Variants in KCNQ1 observed in about 807,000 individuals in gnomAD.
KCNQ1 encodes the protein potassium voltage-gated channel subfamily Q member 1, also known as potassium voltage-gated channel subfamily KQT member 1.
Under a neutral mutation model 72.4 loss-of-function variants are expected in KCNQ1, and 49 were observed. The observed-to-expected ratio is 0.68, with a 90% CI of 0.54 to 0.86. The LOEUF (loss-of-function observed/expected upper bound fraction) is 0.86. Ranked by LOEUF, KCNQ1 falls within the 40% of genes least tolerant of loss-of-function variation. The probability of loss-of-function intolerance (pLI) is 0.00; values close to 1 mark genes in which losing one functional copy is unlikely to be tolerated. For missense variants in KCNQ1, 790 were observed against 945.1 expected (o/e 0.84, Z 2.15); for synonymous variants, 450 against 412.6 (o/e 1.09, Z -1.10).
At chr11:2,650,155 A>C (rs1385381123) in intron 10 of KCNQ1, 2 of 398,210 alleles carry the variant, frequency 5.0e-6, no homozygotes, top group African/African-American at 4.1e-5. Flanking sequence ...TTTCATATCT[A>C]ACTCTGCTGG....
chr11:2,833,368 C>T (rs1847992824), intron 15 of KCNQ1, among the ~76,000 whole-genome samples: 1 of 152,204 alleles, frequency 6.6e-6, no homozygotes, highest in Non-Finnish European at 1.5e-5. Context: ...CCCCACCCCT[C>T]TCCAAGCTTC....
At position 2,724,739 on chromosome 11, in the gene KCNQ1, C is replaced by T. The variant is rs192503446; in HGVS notation, c.1515-44105C>T. Among the ~76,000 whole-genome samples the T allele has an allele frequency of 2.7e-3, 415 of 152,302 alleles. 1 individual carries two copies. Among genetic ancestry groups the T allele is most frequent in the African/African-American group, 6.8e-3 (284 of 41,568 alleles). The stretch of plus-strand genomic sequence containing the variant: ...GACCTGCCCAAGGAGACACAGGCAA[C>T]AGAACCAGGGCTCAGAGTTGGGGGA... On this transcript the variant is annotated intron_variant, in intron 11 of 15. Transcript: ENST00000155840. This position sits in a 1 kb window ranked among gnomAD's most constrained non-coding sequence, Gnocchi z 6.8.
At chr11:2,577,826 G>A (rs760368413) in intron 6 of KCNQ1, among the ~76,000 whole-genome samples, 10 of 152,114 alleles carry the variant, frequency 6.6e-5, no homozygotes, top group African/African-American at 9.7e-5. Context: ...CCCCAGGACC[G>A]CTGGCCCCAC....
intron 10 of KCNQ1, chr11:2,649,316 G>C: frequency 2.5e-6 from 1 of 397,846 alleles, no homozygotes; most frequent in Non-Finnish European, 4.4e-6. Flanking sequence ...CAATTTTTTG[G>C]TTTTCTGTAG....
intron 10 of KCNQ1, chr11:2,634,166 C>G: frequency 2.6e-6 from 1 of 391,056 alleles, no homozygotes; most frequent in Non-Finnish European, 4.5e-6. Flanking sequence ...TCTTTTCTCT[C>G]TCTCTCCCTT....
At chr11:2,742,546 G>T (rs562662118) in intron 11 of KCNQ1, among the ~76,000 whole-genome samples, 1 of 152,220 alleles carries the variant, frequency 6.6e-6, no homozygotes, top group Non-Finnish European at 1.5e-5. Context: ...GCCCTTTCTC[G>T]GGGCAGTTTA....
intron 11 of KCNQ1, among the ~76,000 whole-genome samples, chr11:2,717,578 G>A (rs368888717): frequency 3.3e-5 from 5 of 152,148 alleles, no homozygotes; most frequent in African/African-American, 7.2e-5. Context: ...GAGGAGCTCC[G>A]GGAGGTCACG....
rs1437642068 is a variant in KCNQ1, at chr11:2,562,166, C to T, written c.478-8462C>T. On this transcript the variant is annotated intron_variant, in intron 2 of 15. Coordinates refer to ENST00000155840, the MANE Select transcript of KCNQ1 (RefSeq NM_000218.3). This position sits in a 1 kb window ranked among gnomAD's most constrained non-coding sequence, Gnocchi z 7.5. Reference sequence around the variant, plus strand: ...GGCCGGCTGCACTGTGGCGCCTGCCCCAGGCCAGGCTACCTTGGGCGGGGT... The same window carrying T: ...GGCCGGCTGCACTGTGGCGCCTGCCTCAGGCCAGGCTACCTTGGGCGGGGT... Among the ~76,000 whole-genome samples the T allele has an allele frequency of 6.6e-6, 1 of 151,334 alleles. No homozygotes were observed. Among genetic ancestry groups the T allele is most frequent in the Non-Finnish European group, 1.5e-5 (1 of 67,734 alleles).
At chr11:2,660,807 A>G (rs2133854402) in intron 10 of KCNQ1, 1 of 398,648 alleles carries the variant, frequency 2.5e-6, no homozygotes, top group South Asian at 1.3e-4. Flanking sequence ...AGCAACATTT[A>G]TTAAAATTAC....
In KCNQ1 at chr11:2,565,955, C is replaced by T. The variant is rs1417646524; in HGVS notation, c.478-4673C>T. On this transcript the variant is annotated intron_variant, in intron 2 of 15. Transcript: ENST00000155840. This position sits in a 1 kb window ranked among gnomAD's most constrained non-coding sequence, Gnocchi z 5.6. ...GCCTTGGGGCCATCTGACACCCACA[C>T]CCTCCCTCCAGGCCAGACCCAGCTC... is the stretch of plus-strand genomic sequence containing the variant. Among the ~76,000 whole-genome samples the T allele has an allele frequency of 6.6e-6, 1 of 152,048 alleles. No individual in the cohort carries two copies. Among genetic ancestry groups the T allele is most frequent in the Non-Finnish European group, 1.5e-5 (1 of 67,998 alleles).
In KCNQ1 at chr11:2,720,748, G is replaced by T. The variant is rs1029181240; in HGVS notation, c.1515-48096G>T. ...CCTAGGAGTCCATGCTACCTGTGGG[G>T]TTCATAGTGTGTCCCTCTCAGCCAA... On this transcript the variant is annotated intron_variant, in intron 11 of 15. Transcript: ENST00000155840. This position sits in a 1 kb window ranked among gnomAD's most constrained non-coding sequence, Gnocchi z 5.1. Among the ~76,000 whole-genome samples, 3 of 152,178 alleles carry T rather than the reference G, an allele frequency of 2.0e-5. No homozygotes were observed. The highest frequency in any genetic ancestry group is 4.4e-5 in the Non-Finnish European group (3 of 68,028).
intron 10 of KCNQ1, chr11:2,637,567 G>A (rs1304531176): frequency 6.6e-6 from 1 of 152,166 alleles, no homozygotes; most frequent in Non-Finnish European, 1.5e-5. Context: ...TATAGTTTCT[G>A]TTCTTTTACA....
At chr11:2,799,399 T>TGTGTGTGC (rs1554924611) in intron 15 of KCNQ1, among the ~76,000 whole-genome samples, 1 of 151,432 alleles carries the variant, frequency 6.6e-6, no homozygotes, top group African/African-American at 2.4e-5. Flanking sequence ...TGTGTGTGTG[T>TGTGTGTGC]GTGGTGTGGT....
rs561778298 is a variant in KCNQ1 at position 2,843,215 on chromosome 11, A to G, written c.1795-4552A>G. ...AAGCACTAAAGCAAAGTCAAACACA[A>G]TCGCTCCATGCCCTGCCACGAACCG... On this transcript the variant is annotated intron_variant, in intron 15 of 15. Coordinates refer to ENST00000155840, the MANE Select transcript of KCNQ1 (RefSeq NM_000218.3). 5.1e-4 allele frequency among the ~76,000 whole-genome samples: 77 copies of G among 152,272 alleles called. 1 individual carries two copies. In the South Asian group the frequency reaches 0.015, roughly 30 times the overall value.
intron 11 of KCNQ1, among the ~76,000 whole-genome samples, chr11:2,743,485 G>A (rs1432581056): frequency 6.6e-6 from 1 of 152,212 alleles, no homozygotes; most frequent in Non-Finnish European, 1.5e-5. Context: ...GCCGGCTGTT[G>A]CTCTGACTGT....
At chr11:2,505,740 A>G (rs1199971789) in intron 1 of KCNQ1, among the ~76,000 whole-genome samples, 1 of 151,896 alleles carries the variant, frequency 6.6e-6, no homozygotes, top group Non-Finnish European at 1.5e-5. Context: ...GTCTCTTGTG[A>G]CCTTTCTAGG....
intron 10 of KCNQ1, chr11:2,648,671 A>G (rs554884355): frequency 2.5e-6 from 1 of 398,538 alleles, no homozygotes; most frequent in East Asian, 3.6e-5. Context: ...AAATTTATTG[A>G]GACCCGTTTT....
Position 2,778,019 on chromosome 11 carries a change from G to T in KCNQ1, c.1776G>T (p.Leu592=). 6.2e-7 allele frequency: 1 copy of T among 1,613,718 alleles called. No homozygotes were observed. Among genetic ancestry groups the T allele is most frequent in the Non-Finnish European group, 8.5e-7 (1 of 1,180,006 alleles). The change falls in exon 15 of 16, where the codon CTG becomes CTT. Residue 592 remains leucine (L), a synonymous_variant. Transcript: ENST00000155840. ...GCAGCAACACGATCGGCGCCCGCCT[G>T]AACCGAGTAGAAGACAAGGTAGGCT... ...DRGSNTIGAR[L]NRVEDKVTQL...
chr11:2,544,408 G>A lies in KCNQ1; in HGVS notation c.477+16390G>A, dbSNP rs906439994. Among the ~76,000 whole-genome samples, 123 of 144,438 alleles carry A rather than the reference G, an allele frequency of 8.5e-4. No individual in the cohort carries two copies. The highest frequency in any genetic ancestry group is 2.8e-3 in the African/African-American group (101 of 36,712). 94.8% of individuals were successfully genotyped at this position (144,438 alleles called of 152,430 possible). A position where few individuals can be genotyped will look rare whatever the true frequency, so the allele number is the denominator to read the frequency against. Reference sequence around the variant, plus strand: ...TGCATATATGTGTATATATGTGTGTGTATATATATATATGGTTACATACCT... The same window carrying A: ...TGCATATATGTGTATATATGTGTGTATATATATATATATGGTTACATACCT... On this transcript the variant is annotated intron_variant, in intron 2 of 15. Coordinates refer to ENST00000155840, the MANE Select transcript of KCNQ1 (RefSeq NM_000218.3). This position sits in a 1 kb window ranked among gnomAD's most constrained non-coding sequence, Gnocchi z 4.4.
Sources: gnomAD v4.1 joint callset for allele counts (sites outside exome capture counted in the v4.1 genomes callset) on GRCh38, gnomAD v4.1.1 for gene constraint, Gnocchi (gnomAD v3.1) non-coding constraint, MANE v1.5 for transcripts, NCBI Gene and HGNC (gene_info 2026-07-23, HGNC 2026-07-21) for gene names.